TNFRSF8: variants seen among roughly 807,000 people sequenced by gnomAD.
The protein encoded by TNFRSF8 is TNF receptor superfamily member 8, also known as tumor necrosis factor receptor superfamily member 8.
Under a neutral mutation model 70.8 loss-of-function variants are expected in TNFRSF8, and 26 were observed. That is an observed-to-expected ratio of 0.37 (90% CI 0.27 to 0.51). The LOEUF is 0.51. TNFRSF8 is among the 20% of genes least tolerant of loss of function. The probability of loss-of-function intolerance (pLI) is 0.94; values close to 1 mark genes in which losing one functional copy is unlikely to be tolerated. For synonymous variants in TNFRSF8, 356 were observed against 339.2 expected, an observed-to-expected ratio of 1.05 and a Z score of -0.54; for missense variants, 720 against 807.9, an observed-to-expected ratio of 0.89 and a Z score of 1.32.
chr1:12,078,647 A>G (rs962949846), intron 1 of TNFRSF8, among the ~76,000 whole-genome samples: 2 of 151,992 alleles, frequency 1.3e-5, no homozygotes, highest in African/African-American at 4.8e-5. Flanking sequence ...GCACCCCCCC[A>G]CCCCAGGCAG....
intron 1 of TNFRSF8, among the ~76,000 whole-genome samples, chr1:12,075,549 G>A (rs1426933289): frequency 1.3e-5 from 2 of 152,092 alleles, no homozygotes; most frequent in Non-Finnish European, 2.9e-5. Context: ...ATTGCACTGG[G>A]CTCCCCTGGA....
intron 12 of TNFRSF8, among the ~76,000 whole-genome samples, chr1:12,126,554 C>T (rs1641944286): frequency 6.6e-6 from 1 of 152,124 alleles, no homozygotes; most frequent in African/African-American, 2.4e-5. Context: ...CCCCAGGGGG[C>T]ATTCCTGCCA....
At chr1:12,116,508 C>CAGATG (rs1641732743) in intron 8 of TNFRSF8, among the ~76,000 whole-genome samples, 2 of 151,876 alleles carry the variant, frequency 1.3e-5, no homozygotes, top group Non-Finnish European at 2.9e-5. Flanking sequence ...GGTGACAAAA[C>CAGATG]CAAGGGGAAT....
chr1:12,110,543 G>A lies in TNFRSF8; in HGVS notation c.676+339G>A, dbSNP rs1482388445. On this transcript the variant is annotated intron_variant, in intron 6 of 14. Coordinates refer to ENST00000263932, the MANE Select transcript of TNFRSF8 (RefSeq NM_001243.5). The surrounding 1 kb of genome is among the most constrained non-coding windows in gnomAD (Gnocchi z 4.0). The stretch of plus-strand genomic sequence containing the variant: ...CGACTCAGCTGGCCAGCCTCTGCAC[G>A]TGTCCATCTGATGCCCTCCTGGTCT... Among the ~76,000 whole-genome samples, 1 of 152,194 alleles carries A rather than the reference G, an allele frequency of 6.6e-6. No individual in the cohort carries two copies. The highest frequency in any genetic ancestry group is 6.5e-5 in the Admixed American group (1 of 15,274).
intron 8 of TNFRSF8, among the ~76,000 whole-genome samples, chr1:12,122,227 T>G (rs1313827909): frequency 1.3e-5 from 2 of 152,096 alleles, no homozygotes; most frequent in Non-Finnish European, 2.9e-5. Context: ...GACAGGGTCT[T>G]GCTATGTTGC....
chr1:12,128,707 A>G (rs1351828962), intron 12 of TNFRSF8, among the ~76,000 whole-genome samples: 1 of 152,182 alleles, frequency 6.6e-6, no homozygotes, highest in Non-Finnish European at 1.5e-5. Flanking sequence ...GCTATCCTAT[A>G]GGACGTTGTA....
intron 2 of TNFRSF8, among the ~76,000 whole-genome samples, chr1:12,091,096 G>T (rs1275267480): frequency 7.2e-5 from 11 of 152,162 alleles, no homozygotes; most frequent in Admixed American, 7.2e-4. Flanking sequence ...GAAGAAACTA[G>T]CCCTGCCCAT....
chr1:12,079,478 C>A (rs1438193791), intron 1 of TNFRSF8, among the ~76,000 whole-genome samples: 1 of 152,206 alleles, frequency 6.6e-6, no homozygotes, highest in Non-Finnish European at 1.5e-5. Flanking sequence ...CTCTCTCTTC[C>A]CCAGGGCAGC....
intron 2 of TNFRSF8, among the ~76,000 whole-genome samples, chr1:12,095,859 T>C (rs545226407): frequency 6.6e-6 from 1 of 152,356 alleles, no homozygotes; most frequent in East Asian, 1.9e-4. Flanking sequence ...GTTTGAACGA[T>C]GTCCTCAGGA....
intron 10 of TNFRSF8, among the ~76,000 whole-genome samples, chr1:12,125,708 G>GACGCCTCAATTTCTC (rs1641924778): frequency 6.6e-6 from 1 of 152,204 alleles, no homozygotes; most frequent in Non-Finnish European, 1.5e-5. Context: ...CTGGCTCCTA[G>GACGCCTCAATTTCTC]ACGCCTCAAT....
Position 12,063,642 on chromosome 1 carries a change from C to G in TNFRSF8, c.44C>G (p.Ala15Gly), listed in dbSNP as rs1459963174. The change falls in exon 1 of 15, where the codon GCG becomes GGG. Residue 15 changes from alanine (A) to glycine (G), a missense_variant. Transcript: ENST00000263932. The surrounding 1 kb of genome is among the most constrained non-coding windows in gnomAD (Gnocchi z 7.2). ...GCGCTGGGACTGCTGTTCCTGGGGG[C>G]GCTACGAGCCTTCCCACAGGTAAGC... ...LAALGLLFLGALRAFPQDRPF... is the reference protein window; with the variant it reads ...LAALGLLFLGGLRAFPQDRPF... 7.8e-7 allele frequency: 1 copy of G among 1,284,956 alleles called. No homozygotes were observed. The highest frequency in any genetic ancestry group is 3.1e-5 in the East Asian group (1 of 31,808). The allele number at this position is 1,284,956 out of a possible 1,614,324, so 79.6% of individuals were successfully genotyped here.
intron 2 of TNFRSF8, among the ~76,000 whole-genome samples, 167 bp downstream of exon 2, chr1:12,084,718 G>A (rs755429065): frequency 2.7e-5 from 4 of 150,206 alleles, no homozygotes; most frequent in African/African-American, 4.9e-5. Context: ...GGACTCTCTC[G>A]GAAGGCTAGG....
At chr1:12,121,370 G>A (rs2101022620) in intron 8 of TNFRSF8, among the ~76,000 whole-genome samples, 1 of 152,330 alleles carries the variant, frequency 6.6e-6, no homozygotes, top group South Asian at 2.1e-4. Context: ...GGGAGATGTG[G>A]GTATGTGTGT....
rs1271723763 is a variant in TNFRSF8, at chr1:12,113,646, A to G, written c.793+1632A>G. Among the ~76,000 whole-genome samples the G allele has an allele frequency of 2.0e-5, 3 of 151,452 alleles. No homozygotes were observed. The East Asian group carries it at 5.8e-4, about 30-fold the overall frequency. On this transcript the variant is annotated intron_variant, in intron 7 of 14. Coordinates refer to ENST00000263932, the MANE Select transcript of TNFRSF8 (RefSeq NM_001243.5). This position sits in a 1 kb window ranked among gnomAD's most constrained non-coding sequence, Gnocchi z 4.9. ...GAGGGAGAGAGAGAGACAGAAAGAG[A>G]AAGAGACGGAGTGAGCGAGAGAGAG...
chr1:12,092,809 C>T (rs1641268589), intron 2 of TNFRSF8, among the ~76,000 whole-genome samples: 1 of 146,516 alleles, frequency 6.8e-6, no homozygotes, highest in Non-Finnish European at 1.5e-5. Flanking sequence ...CGCCCGACCT[C>T]TTTTTATTTT....
intron 1 of TNFRSF8, among the ~76,000 whole-genome samples, chr1:12,082,918 C>T (rs1641091009): frequency 1.3e-5 from 2 of 151,938 alleles, no homozygotes; most frequent in African/African-American, 4.8e-5. Context: ...TCAACAAAAG[C>T]CGTGTATCTA....
chr1:12,127,114 G>A (rs1016622868), intron 12 of TNFRSF8, among the ~76,000 whole-genome samples: 1 of 152,204 alleles, frequency 6.6e-6, no homozygotes, highest in Non-Finnish European at 1.5e-5. Context: ...CCTGGGGCAG[G>A]GGGCTCCCAG....
chr1:12,074,251 A>G (rs141694403), intron 1 of TNFRSF8, among the ~76,000 whole-genome samples: 215 of 151,460 alleles, frequency 1.4e-3, no homozygotes, highest in African/African-American at 4.9e-3. Flanking sequence ...CTAGTGCCAA[A>G]GGCAACATGT....
At position 12,142,214 on chromosome 1, in the gene TNFRSF8, C is replaced by A; in HGVS notation, c.1544-73C>A. 1 of 1,483,984 alleles carries A rather than the reference C, an allele frequency of 6.7e-7. No homozygotes were observed. Among genetic ancestry groups the A allele is most frequent in the East Asian group, 2.5e-5 (1 of 40,718 alleles). The allele number at this position is 1,483,984 out of a possible 1,614,324, so 91.9% of individuals were successfully genotyped here. A position where few individuals can be genotyped will look rare whatever the true frequency, so the allele number is the denominator to read the frequency against. ...GGTGTACCAGCACTGGGCCTCGGCC[C>A]TTCTCTGCCTCTTTGCTCCCATCCT... On this transcript the variant is annotated intron_variant, in intron 14 of 14. Coordinates refer to ENST00000263932, the MANE Select transcript of TNFRSF8 (RefSeq NM_001243.5). This position sits in a 1 kb window ranked among gnomAD's most constrained non-coding sequence, Gnocchi z 5.0.
Sources: gnomAD v4.1 joint callset for allele counts (sites outside exome capture counted in the v4.1 genomes callset) on GRCh38, gnomAD v4.1.1 for gene constraint, Gnocchi (gnomAD v3.1) non-coding constraint, MANE v1.5 for transcripts, NCBI Gene and HGNC (gene_info 2026-07-23, HGNC 2026-07-21) for gene names.